Variants in PCDH9 observed in about 807,000 individuals in gnomAD.
The protein encoded by PCDH9 is protocadherin-9.
Under a neutral mutation model 70.6 loss-of-function variants are expected in PCDH9, and 24 were observed. The ratio of observed to expected loss-of-function variants is 0.34; its 90% CI spans 0.25 to 0.48. PCDH9 has a LOEUF of 0.48. Ranked by LOEUF, PCDH9 falls within the 20% of genes least tolerant of loss-of-function variation. PCDH9 has a pLI of 0.99. For synonymous variants in PCDH9, 562 were observed against 558.5 expected, an observed-to-expected ratio of 1.01 and a Z score of -0.09; for missense variants, 1,281 against 1,503.6, an observed-to-expected ratio of 0.85 and a Z score of 2.45.
At chr13:66,317,594 A>G (rs536969532) in intron 4 of PCDH9, among the ~76,000 whole-genome samples, 2 of 152,218 alleles carry the variant, frequency 1.3e-5, no homozygotes, top group African/African-American at 4.8e-5. Context: ...CACAGGATAC[A>G]TAACAAAACA....
chr13:66,833,983 G>C (rs571753162), intron 3 of PCDH9, among the ~76,000 whole-genome samples: 1 of 152,014 alleles, frequency 6.6e-6, no homozygotes, highest in African/African-American at 2.4e-5. Context: ...CAAAATATCT[G>C]TTTCTATGGG....
intron 4 of PCDH9, among the ~76,000 whole-genome samples, chr13:66,543,810 A>G (rs968109421): frequency 6.6e-6 from 1 of 152,172 alleles, no homozygotes; most frequent in African/African-American, 2.4e-5. Flanking sequence ...GTGCTGTGCT[A>G]CAAGAGCTTT....
intron 3 of PCDH9, among the ~76,000 whole-genome samples, chr13:66,641,452 C>A (rs1354131699): frequency 6.6e-6 from 1 of 152,094 alleles, no homozygotes; most frequent in Admixed American, 6.6e-5. Flanking sequence ...AGGTAAAGAT[C>A]CTAATTACAC....
At chr13:66,933,440 G>C (rs2082849615) in intron 2 of PCDH9, among the ~76,000 whole-genome samples, 1 of 152,146 alleles carries the variant, frequency 6.6e-6, no homozygotes, top group African/African-American at 2.4e-5. Flanking sequence ...GTTGTAGTTG[G>C]TATTCTTTCA....
At position 66,903,022 on chromosome 13, in the gene PCDH9, A is replaced by G. The variant is rs547187844; in HGVS notation, c.3138+482T>C. 3.9e-5 allele frequency among the ~76,000 whole-genome samples: 6 copies of G among 152,000 alleles called. No homozygotes were observed. In the East Asian group the frequency reaches 1.2e-3, roughly 29 times the overall value. ...CAGGGAAATAAAAGATCAAACTGAT[A>G]TAAAGTAGTAAAAAAAAAGGAAAAC... On this transcript the variant is annotated intron_variant, in intron 3 of 4. Transcript: ENST00000377865.
chr13:66,719,555 T>G (rs2078914746), intron 3 of PCDH9, among the ~76,000 whole-genome samples: 1 of 152,180 alleles, frequency 6.6e-6, no homozygotes, highest in Non-Finnish European at 1.5e-5. Flanking sequence ...AGACTTCCTG[T>G]CTGCAGAACT....
chr13:66,543,254 A>G (rs1028424028), intron 4 of PCDH9, among the ~76,000 whole-genome samples: 4 of 152,072 alleles, frequency 2.6e-5, no homozygotes, highest in Non-Finnish European at 5.9e-5. Flanking sequence ...CCTGCACCTC[A>G]AATTTAGTCA....
intron 2 of PCDH9, among the ~76,000 whole-genome samples, chr13:67,124,031 G>A (rs1302428588): frequency 6.6e-6 from 1 of 152,074 alleles, no homozygotes; most frequent in Non-Finnish European, 1.5e-5. Flanking sequence ...GACTGAATAT[G>A]AATCATTCGT....
intron 2 of PCDH9, among the ~76,000 whole-genome samples, chr13:66,997,914 A>C (rs1566351407): frequency 1.3e-5 from 2 of 152,164 alleles, no homozygotes; most frequent in Non-Finnish European, 2.9e-5. Flanking sequence ...AAAAATAAAA[A>C]TTCTGGGCCA....
chr13:66,945,746 C>T (rs921049305), intron 2 of PCDH9, among the ~76,000 whole-genome samples: 2 of 152,070 alleles, frequency 1.3e-5, no homozygotes, highest in African/African-American at 4.8e-5. Flanking sequence ...TATGAGTGGA[C>T]ACTTGTTCTT....
chr13:66,581,570 G>T (rs1221177360), intron 4 of PCDH9, among the ~76,000 whole-genome samples: 6 of 152,282 alleles, frequency 3.9e-5, no homozygotes, highest in Admixed American at 3.9e-4. Context: ...GCAGACAAAA[G>T]ATGGGTAAAA....
At chr13:66,907,166 T>G (rs1376001236) in intron 2 of PCDH9, among the ~76,000 whole-genome samples, 2 of 152,064 alleles carry the variant, frequency 1.3e-5, no homozygotes, top group East Asian at 1.9e-4. Flanking sequence ...ACTGCACCAC[T>G]GCACTCCAGC....
intron 4 of PCDH9, among the ~76,000 whole-genome samples, chr13:66,388,436 G>T (rs1423638275): frequency 6.6e-6 from 1 of 151,990 alleles, no homozygotes; most frequent in Non-Finnish European, 1.5e-5. Context: ...TTTTTACCAA[G>T]ATTTTTTTCC....
intron 2 of PCDH9, among the ~76,000 whole-genome samples, chr13:67,159,383 G>A (rs2087896328): frequency 6.6e-6 from 1 of 152,298 alleles, no homozygotes; most frequent in African/African-American, 2.4e-5. Context: ...AATATGTTGA[G>A]CAAAGAATGA....
rs563596715 is a variant in PCDH9, at chr13:67,013,342, A to G, written c.3037-109737T>C. ...TTCCTGAAATATGGATCATACTTTT[A>G]TATCCTATTTTTTGTTAACTTTATG... On this transcript the variant is annotated intron_variant, in intron 2 of 4. Transcript: ENST00000377865. Among the ~76,000 whole-genome samples the G allele has an allele frequency of 7.3e-5, 11 of 151,310 alleles. No homozygotes were observed. In the East Asian group the frequency reaches 2.1e-3, roughly 29 times the overall value.
chr13:66,761,214 G>A (rs2079622017), intron 3 of PCDH9, among the ~76,000 whole-genome samples: 1 of 151,982 alleles, frequency 6.6e-6, no homozygotes, highest in Non-Finnish European at 1.5e-5. Flanking sequence ...CACGGAACCT[G>A]CTGACATGTG....
At chr13:66,443,321 T>A (rs1434083593) in intron 4 of PCDH9, among the ~76,000 whole-genome samples, 1 of 152,170 alleles carries the variant, frequency 6.6e-6, no homozygotes, top group Non-Finnish European at 1.5e-5. Flanking sequence ...GTGAGCAAAA[T>A]GATGAATTTT....
At chr13:67,178,419 C>A (rs988161042) in intron 2 of PCDH9, among the ~76,000 whole-genome samples, 1 of 152,036 alleles carries the variant, frequency 6.6e-6, no homozygotes, top group Admixed American at 6.6e-5. Flanking sequence ...ATCTAACATC[C>A]AAAAACTATT....
chr13:66,875,410 A>C (rs1433853015), intron 3 of PCDH9, among the ~76,000 whole-genome samples: 1 of 152,198 alleles, frequency 6.6e-6, no homozygotes, highest in Non-Finnish European at 1.5e-5. Context: ...GCACTGTGGT[A>C]GGAAATTGTG....
Sources: gnomAD v4.1 joint callset for allele counts (sites outside exome capture counted in the v4.1 genomes callset) on GRCh38, gnomAD v4.1.1 for gene constraint, MANE v1.5 for transcripts, NCBI Gene and HGNC (gene_info 2026-07-23, HGNC 2026-07-21) for gene names.